Variants in NALCN observed in about 807,000 individuals in gnomAD.
NALCN encodes the protein sodium leak channel, non-selective, also known as sodium leak channel NALCN.
Under a neutral mutation model 225.3 loss-of-function variants are expected in NALCN, and 111 were observed. The observed-to-expected ratio is 0.49, with a 90% CI of 0.42 to 0.58. NALCN has a LOEUF of 0.58. NALCN is among the 20% of genes least tolerant of loss of function. The probability of loss-of-function intolerance (pLI) is 0.00; values close to 1 mark genes in which losing one functional copy is unlikely to be tolerated. For synonymous variants in NALCN, 764 were observed against 769.0 expected (o/e 0.99, Z 0.11); for missense variants, 1,378 against 2,202.4 (o/e 0.63, Z 7.49).
intron 6 of NALCN, among the ~76,000 whole-genome samples, chr13:101,367,729 T>C (rs985212760): frequency 6.6e-6 from 1 of 152,162 alleles, no homozygotes; most frequent in African/African-American, 2.4e-5. Flanking sequence ...CAAAAGTAGA[T>C]ACTGATTTAA....
chr13:101,286,424 T>C (rs1252806752), intron 9 of NALCN, among the ~76,000 whole-genome samples: 3 of 152,134 alleles, frequency 2.0e-5, no homozygotes, highest in Non-Finnish European at 4.4e-5. Flanking sequence ...CTCTCTGGGA[T>C]ATGGATGTGA....
chr13:101,331,516 A>G (rs995491475), intron 7 of NALCN, among the ~76,000 whole-genome samples: 1 of 152,200 alleles, frequency 6.6e-6, no homozygotes, highest in African/African-American at 2.4e-5. Flanking sequence ...AGAGAATGAT[A>G]GAAGATTCCT....
At chr13:101,211,497 A>G (rs1594445352) in intron 13 of NALCN, among the ~76,000 whole-genome samples, 1 of 152,000 alleles carries the variant, frequency 6.6e-6, no homozygotes, top group East Asian at 1.9e-4. Context: ...ACAGGATATT[A>G]TTTTATCATT....
intron 18 of NALCN, chr13:101,116,682 C>T (rs952773263): frequency 4.4e-5 from 17 of 386,126 alleles, no homozygotes; most frequent in Admixed American, 3.1e-4. Flanking sequence ...TGGTATTAAA[C>T]GTAATTACCA....
chr13:101,252,668 T>A (rs1171035131), intron 11 of NALCN, among the ~76,000 whole-genome samples: 2 of 152,152 alleles, frequency 1.3e-5, no homozygotes, highest in Non-Finnish European at 1.5e-5. Context: ...CTTTCTCCCC[T>A]CTGGCTTCAT....
chr13:101,058,414 G>T, intron 42 of NALCN: 1 of 199,480 alleles, frequency 5.0e-6, no homozygotes, highest in Non-Finnish European at 1.0e-5. Flanking sequence ...AGTGGGGACG[G>T]GCTGGGCGGG....
Position 101,111,234 on chromosome 13 carries a change from A to AG in NALCN, c.2193-9_2193-8insC. The AG allele has an allele frequency of 1.3e-6, 2 of 1,579,110 alleles. No homozygotes were observed. The highest frequency in any genetic ancestry group is 4.5e-5 in the East Asian group (2 of 44,110). ...CGCTGTCGGGTGCAAGCTCTAGGAA[A>AG]AAAAAAGGAGCCCAAGATAAATGCA... is the stretch of plus-strand genomic sequence containing the variant. On this transcript the variant is annotated splice_polypyrimidine_tract_variant and intron_variant, in intron 18 of 43. Coordinates refer to ENST00000251127, the MANE Select transcript of NALCN (RefSeq NM_052867.4).
chr13:101,268,559 T>C (rs1302362994), intron 10 of NALCN, among the ~76,000 whole-genome samples: 1 of 152,208 alleles, frequency 6.6e-6, no homozygotes, highest in Non-Finnish European at 1.5e-5. Flanking sequence ...ATAGTCCTTT[T>C]CTGCTGTTTA....
chr13:101,211,054 T>A (rs554399310), intron 13 of NALCN, among the ~76,000 whole-genome samples: 1 of 152,292 alleles, frequency 6.6e-6, no homozygotes, highest in African/African-American at 2.4e-5. Context: ...ATGTATGAAC[T>A]GTCCTCTTTT....
At position 101,333,747 on chromosome 13, in the gene NALCN, T is replaced by C. The variant is rs574467919; in HGVS notation, c.799+11519A>G. Among the ~76,000 whole-genome samples the C allele has an allele frequency of 5.0e-4, 76 of 152,330 alleles. 1 individual carries two copies. In the Middle Eastern group the frequency reaches 0.01, roughly 20 times the overall value. ...TTTTTTGCTCCAACTGATTAGTTGA[T>C]AAAACGGATTTGATTTCATAGAGTG... On this transcript the variant is annotated intron_variant, in intron 7 of 43. Coordinates refer to ENST00000251127, the MANE Select transcript of NALCN (RefSeq NM_052867.4).
chr13:101,359,238 A>C (rs1001373603), intron 6 of NALCN, among the ~76,000 whole-genome samples: 2 of 152,174 alleles, frequency 1.3e-5, no homozygotes, highest in Non-Finnish European at 2.9e-5. Context: ...ACAAAGCAGG[A>C]AAAAAAGTAG....
At chr13:101,264,341 G>T (rs2042528704) in intron 10 of NALCN, among the ~76,000 whole-genome samples, 1 of 151,956 alleles carries the variant, frequency 6.6e-6, no homozygotes, top group Non-Finnish European at 1.5e-5. Flanking sequence ...TAAAAGCAGA[G>T]GAGTTTTGGA....
At chr13:101,320,201 A>T (rs1200950825) in intron 7 of NALCN, among the ~76,000 whole-genome samples, 1 of 152,246 alleles carries the variant, frequency 6.6e-6, no homozygotes, top group African/African-American at 2.4e-5. Context: ...TCTTACACGT[A>T]TGCGACAACT....
At chr13:101,220,626 G>A (rs542098529) in intron 13 of NALCN, among the ~76,000 whole-genome samples, 121 of 152,164 alleles carry the variant, frequency 8.0e-4, no homozygotes, top group Non-Finnish European at 4.9e-4. Flanking sequence ...TGATTAGGGG[G>A]CCTGGGAGAG....
At chr13:101,414,314 GT>G (rs769177161) in intron 1 of NALCN, among the ~76,000 whole-genome samples, 7 of 152,138 alleles carry the variant, frequency 4.6e-5, no homozygotes, top group Non-Finnish European at 1.0e-4. Flanking sequence ...TAGGCTCTCA[GT>G]TTATCTCTTT....
intron 13 of NALCN, among the ~76,000 whole-genome samples, chr13:101,216,654 TCACA>T: frequency 6.6e-6 from 1 of 152,280 alleles, no homozygotes; most frequent in East Asian, 1.9e-4. Context: ...ATTAAAAATG[TCACA>T]CACTCTCACT....
chr13:101,185,188 G>T (rs1239409633), intron 14 of NALCN, among the ~76,000 whole-genome samples: 2 of 152,056 alleles, frequency 1.3e-5, no homozygotes, highest in Non-Finnish European at 2.9e-5. Flanking sequence ...GTGTAAAATG[G>T]GATACGTTCA....
intron 7 of NALCN, among the ~76,000 whole-genome samples, chr13:101,303,964 T>C (rs886737712): frequency 6.6e-6 from 1 of 152,170 alleles, no homozygotes; most frequent in Admixed American, 6.5e-5. Flanking sequence ...TATGGAGCAA[T>C]TGGCAATTAT....
At chr13:101,197,999 G>A (rs1051321503) in intron 13 of NALCN, among the ~76,000 whole-genome samples, 1 of 152,140 alleles carries the variant, frequency 6.6e-6, no homozygotes, top group Non-Finnish European at 1.5e-5. Context: ...GAAAGATTTT[G>A]AAAATAATGA....
Sources: allele counts gnomAD v4.1 joint callset (sites outside exome capture counted in the v4.1 genomes callset), GRCh38; gene constraint gnomAD v4.1.1; transcripts MANE v1.5; gene names NCBI Gene and HGNC (gene_info 2026-07-23, HGNC 2026-07-21).